The following SPAM1 variants were observed in gnomAD, a reference collection of about 807,000 sequenced individuals.
The protein encoded by SPAM1 is sperm adhesion molecule 1.
Under a neutral mutation model 29.6 loss-of-function variants are expected in SPAM1, and 22 were observed. That is an observed-to-expected ratio of 0.74 (90% confidence interval 0.53 to 1.06). The LOEUF (loss-of-function observed/expected upper bound fraction) is 1.06, where lower values mean the gene tolerates loss of function less well. Among genes scored for constraint, SPAM1 ranks in the 50% least tolerant of loss-of-function variants. The pLI is 0.00. For missense variants in SPAM1, 534 were observed against 604.0 expected (o/e 0.88, Z 1.21); for synonymous variants, 194 against 204.6 (o/e 0.95, Z 0.44).
intron 5 of SPAM1, chr7:123,970,183 A>G: frequency 6.5e-7 from 1 of 1,548,094 alleles, no homozygotes; most frequent in Non-Finnish European, 8.7e-7. Context: ...TAATTTTCTT[A>G]TGGTTTTCTT....
intron 4 of SPAM1, among the ~76,000 whole-genome samples, chr7:123,959,154 T>C (rs1461620771): frequency 3.3e-5 from 5 of 152,020 alleles, no homozygotes; most frequent in Admixed American, 3.3e-4. Context: ...AGGGCAAATG[T>C]CCTAGAGAAC....
intron 4 of SPAM1, among the ~76,000 whole-genome samples, chr7:123,957,251 G>A (rs1792268040): frequency 6.6e-6 from 1 of 151,998 alleles, no homozygotes; most frequent in South Asian, 2.1e-4. Context: ...TAACAAGGAA[G>A]TTATCAGAGA....
At chr7:123,946,433 C>T (rs1234548986) in intron 1 of SPAM1, among the ~76,000 whole-genome samples, 1 of 152,038 alleles carries the variant, frequency 6.6e-6, no homozygotes, top group Non-Finnish European at 1.5e-5. Flanking sequence ...AGAGTCCCTT[C>T]CATTGGTCAC....
chr7:123,961,810 T>A (rs1167680956), downstream of SPAM1, among the ~76,000 whole-genome samples: 1 of 151,682 alleles, frequency 6.6e-6, no homozygotes, highest in Non-Finnish European at 1.5e-5. Context: ...GCTGGGGAGG[T>A]CTCACAATCA....
intron 6 of SPAM1, among the ~76,000 whole-genome samples, chr7:123,970,608 A>AATAATAATT (rs376690940): frequency 0.018 from 2,636 of 147,216 alleles, 79 homozygotes; most frequent in African/African-American, 0.059. Flanking sequence ...TAATAATAAT[A>AATAATAATT]ATTATTATTA....
intron 1 of SPAM1, among the ~76,000 whole-genome samples, chr7:123,941,896 C>T (rs1808441136): frequency 6.6e-6 from 1 of 152,098 alleles, no homozygotes; most frequent in Non-Finnish European, 1.5e-5. Context: ...GTAGGTCCCA[C>T]ATTATTAGTA....
At chr7:123,946,004 A>G (rs1445377365) in intron 1 of SPAM1, among the ~76,000 whole-genome samples, 2 of 152,282 alleles carry the variant, frequency 1.3e-5, no homozygotes, top group East Asian at 3.9e-4. Flanking sequence ...AAGGAGAATT[A>G]AGACCAGCTG....
At chr7:123,957,923 C>T (rs1174647644) in intron 4 of SPAM1, among the ~76,000 whole-genome samples, 1 of 151,954 alleles carries the variant, frequency 6.6e-6, no homozygotes, top group East Asian at 1.9e-4. Context: ...TTCAGTTTAT[C>T]TTTCTAACCC....
chr7:123,939,880 GT>G (rs143104462), intron 1 of SPAM1, among the ~76,000 whole-genome samples: 4,002 of 152,252 alleles, frequency 0.026, 58 homozygotes, highest in Middle Eastern at 0.078. Context: ...TAAGAGTACT[GT>G]TAGGTTGTTT....
At chr7:123,931,749 G>A (rs540073138) in intron 1 of SPAM1, among the ~76,000 whole-genome samples, 2 of 152,110 alleles carry the variant, frequency 1.3e-5, no homozygotes, top group Non-Finnish European at 2.9e-5. Context: ...CTAGCCTTAT[G>A]GTAGCCACTT....
chr7:123,970,611 T>TAATAATAATAATAATAATAATAATA (rs1554432387), intron 6 of SPAM1, among the ~76,000 whole-genome samples: 2 of 102,118 alleles, frequency 2.0e-5, no homozygotes, highest in African/African-American at 8.4e-5. Context: ...TAATAATAAT[T>TAATAATAATAATAATAATAATAATA]ATTATTATTA....
chr7:123,960,923 A>AT (rs931456264), downstream of SPAM1, among the ~76,000 whole-genome samples: 4 of 151,950 alleles, frequency 2.6e-5, no homozygotes, highest in African/African-American at 9.6e-5. Context: ...ATTATTATGC[A>AT]TTTTTTAAAA....
intron 5 of SPAM1, among the ~76,000 whole-genome samples, chr7:123,967,987 G>T (rs1285271903): frequency 6.6e-6 from 1 of 151,974 alleles, no homozygotes; most frequent in Non-Finnish European, 1.5e-5. Flanking sequence ...ATCAATACTT[G>T]GATGATTGGA....
intron 5 of SPAM1, among the ~76,000 whole-genome samples, chr7:123,966,864 T>G (rs190712619): frequency 2.1e-4 from 32 of 152,116 alleles, no homozygotes; most frequent in Non-Finnish European, 2.4e-4. Context: ...CACATCTACC[T>G]ATGTAACAAA....
intron 1 of SPAM1, among the ~76,000 whole-genome samples, chr7:123,939,640 A>G (rs1337178425): frequency 6.6e-6 from 1 of 152,162 alleles, no homozygotes; most frequent in Non-Finnish European, 1.5e-5. Flanking sequence ...ACAAGAGGAG[A>G]GACAAAGATT....
chr7:123,930,877 G>T (rs1393317139), intron 1 of SPAM1, among the ~76,000 whole-genome samples: 1 of 152,110 alleles, frequency 6.6e-6, no homozygotes, highest in Non-Finnish European at 1.5e-5. Flanking sequence ...AAAACAAAGG[G>T]ACTCGATCCC....
chr7:123,942,848 A>C (rs1271895607), intron 1 of SPAM1, among the ~76,000 whole-genome samples: 1 of 152,202 alleles, frequency 6.6e-6, no homozygotes, highest in African/African-American at 2.4e-5. Context: ...TATCTGAAAG[A>C]ATTCCATTCC....
Position 123,954,990 on chromosome 7 carries a change from T to G in SPAM1, c.955-7T>G, listed in dbSNP as rs1485898264. On this transcript the variant is annotated splice_region_variant and splice_polypyrimidine_tract_variant and intron_variant, in intron 3 of 4. Coordinates refer to ENST00000682466, the MANE Select transcript of SPAM1 (RefSeq NM_153189.3). ...TATCTGCTAACTCTTTCTGTCACAT[T>G]TTCCAGGATGAACTTGTGTATACAT... 1.2e-6 allele frequency: 2 copies of G among 1,604,548 alleles called. No homozygotes were observed. The highest frequency in any genetic ancestry group is 3.3e-5 in the Admixed American group (2 of 59,832).
chr7:123,963,687 A>G (rs1457562861), downstream of SPAM1, among the ~76,000 whole-genome samples: 3 of 151,654 alleles, frequency 2.0e-5, no homozygotes, highest in African/African-American at 7.3e-5. Context: ...TTTAAATAAA[A>G]TTCAAAAGTT....
Sources: allele counts gnomAD v4.1 joint callset (sites outside exome capture counted in the v4.1 genomes callset), GRCh38; gene constraint gnomAD v4.1.1; transcripts MANE v1.5; gene names NCBI Gene and HGNC (gene_info 2026-07-23, HGNC 2026-07-21).